The following HIVEP1 variants were observed in gnomAD, a reference collection of about 807,000 sequenced individuals.
The protein encoded by HIVEP1 is HIVEP zinc finger 1, also known as zinc finger protein 40.
HIVEP1 carries 36 observed loss-of-function variants against 180.0 expected under a neutral mutation model. The ratio of observed to expected loss-of-function variants is 0.20; its 90% CI spans 0.15 to 0.26. The LOEUF (loss-of-function observed/expected upper bound fraction) is 0.26. HIVEP1 is among the 10% of genes least tolerant of loss of function. The pLI is 1.00. For synonymous variants in HIVEP1, 1,239 were observed against 1,239.0 expected (o/e 1.00, Z 0.00); for missense variants, 3,143 against 3,268.7 (o/e 0.96, Z 0.94).
chr6:12,196,537 A>G, the HIVEP1 span, among the ~76,000 whole-genome samples: 1 of 152,198 alleles, frequency 6.6e-6, no homozygotes, highest in Admixed American at 6.5e-5. Context: ...AATATCTCCA[A>G]ATAACTACTC....
downstream of HIVEP1, among the ~76,000 whole-genome samples, chr6:12,167,632 T>C (rs1171053956): frequency 1.0e-5 from 1 of 96,680 alleles, no homozygotes; most frequent in African/African-American, 7.1e-5. Flanking sequence ...ATATACATGT[T>C]ATATATACAT....
At chr6:12,187,330 G>T in the HIVEP1 span, among the ~76,000 whole-genome samples, 2 of 152,068 alleles carry the variant, frequency 1.3e-5, no homozygotes, top group African/African-American at 4.8e-5. Flanking sequence ...GGTCATGGGG[G>T]CAAACCTCTC....
In HIVEP1 at chr6:12,072,709, C is replaced by T. The variant is rs1233251832; in HGVS notation, c.41-16475C>T. Among the ~76,000 whole-genome samples the T allele has an allele frequency of 8.5e-5, 13 of 152,182 alleles. No homozygotes were observed. The South Asian group carries it at 2.7e-3, about 31-fold the overall frequency. ...TGTTGACTTGTCTTCAAGTTCGTGA[C>T]TCCTTTCCTAACGGCAGTGCCCTGT... On this transcript the variant is annotated intron_variant, in intron 2 of 8. Coordinates refer to ENST00000379388, the MANE Select transcript of HIVEP1 (RefSeq NM_002114.4).
At chr6:12,112,493 A>G (rs1042799558) in intron 3 of HIVEP1, among the ~76,000 whole-genome samples, 2 of 151,284 alleles carry the variant, frequency 1.3e-5, no homozygotes, top group Non-Finnish European at 2.9e-5. Context: ...TGTTGTTTTC[A>G]TTATTTGGGG....
At chr6:12,211,541 T>C in the HIVEP1 span, among the ~76,000 whole-genome samples, 2 of 151,226 alleles carry the variant, frequency 1.3e-5, no homozygotes, top group Admixed American at 1.3e-4. Context: ...TACACATACA[T>C]ATATTTATAT....
chr6:12,173,096 A>ATT, the HIVEP1 span, among the ~76,000 whole-genome samples: 1 of 152,202 alleles, frequency 6.6e-6, no homozygotes, highest in African/African-American at 2.4e-5. Flanking sequence ...CTAATCAAGC[A>ATT]TAACACATGT....
At chr6:12,021,075 TAGAG>T (rs1768169940) in intron 2 of HIVEP1, among the ~76,000 whole-genome samples, 1 of 152,056 alleles carries the variant, frequency 6.6e-6, no homozygotes, top group African/African-American at 2.4e-5. Flanking sequence ...GTATTTTTAG[TAGAG>T]ACAGGTTTTC....
chr6:12,084,455 G>C (rs927273745), intron 2 of HIVEP1, among the ~76,000 whole-genome samples: 1 of 152,132 alleles, frequency 6.6e-6, no homozygotes, highest in Non-Finnish European at 1.5e-5. Context: ...TTACTTAGTA[G>C]TGAAGACTAG....
At chr6:12,058,970 C>CA (rs1771056492) in intron 2 of HIVEP1, among the ~76,000 whole-genome samples, 1 of 150,534 alleles carries the variant, frequency 6.6e-6, no homozygotes, top group Non-Finnish European at 1.5e-5. Context: ...TTTTTGGAGA[C>CA]AGAGTGTCAC....
chr6:12,129,488 C>A (rs1758288002), intron 4 of HIVEP1: 2 of 467,706 alleles, frequency 4.3e-6, no homozygotes, highest in Non-Finnish European at 7.9e-6. Context: ...TAAGAAATAC[C>A]ATGGTATAGG....
chr6:12,109,613 C>T (rs1325061641), intron 3 of HIVEP1, among the ~76,000 whole-genome samples: 2 of 152,232 alleles, frequency 1.3e-5, no homozygotes, highest in African/African-American at 2.4e-5. Flanking sequence ...AATTCAGTCA[C>T]ATCTTCAAGC....
At chr6:12,076,374 CT>C (rs1772350529) in intron 2 of HIVEP1, among the ~76,000 whole-genome samples, 1 of 151,832 alleles carries the variant, frequency 6.6e-6, no homozygotes, top group Admixed American at 6.6e-5. Context: ...GATAAAATTA[CT>C]TTGAAAACAT....
At chr6:12,075,115 G>A (rs1363618797) in intron 2 of HIVEP1, among the ~76,000 whole-genome samples, 2 of 152,208 alleles carry the variant, frequency 1.3e-5, no homozygotes, top group Non-Finnish European at 2.9e-5. Context: ...GCAGTGACTT[G>A]TGTATCCTTT....
the HIVEP1 span, among the ~76,000 whole-genome samples, chr6:12,174,148 A>C: frequency 3.3e-5 from 5 of 152,206 alleles, no homozygotes; most frequent in Non-Finnish European, 7.4e-5. Context: ...GTGCAATCAT[A>C]ATAATTATTG....
chr6:12,207,372 C>T, the HIVEP1 span, among the ~76,000 whole-genome samples: 1 of 152,246 alleles, frequency 6.6e-6, no homozygotes, highest in Admixed American at 6.5e-5. Flanking sequence ...TATGAATGTT[C>T]AATAAATATA....
At chr6:12,183,305 A>G in the HIVEP1 span, among the ~76,000 whole-genome samples, 1 of 152,222 alleles carries the variant, frequency 6.6e-6, no homozygotes, top group African/African-American at 2.4e-5. Flanking sequence ...AATTAGATAC[A>G]TGAAACACCC....
rs779610428 is a variant in HIVEP1 at position 12,124,155 on chromosome 6, A to T, written c.4360A>T (p.Thr1454Ser). The change falls in exon 4 of 9, where the codon ACT becomes TCT. Residue 1454 changes from threonine to serine, a missense_variant. Physicochemically the swap from Thr to Ser is moderately conservative, Grantham distance 58. This residue lies in a region of HIVEP1 where 1,357 missense variants were observed against 1,260.5 expected (regional missense o/e 1.08). Coordinates refer to ENST00000379388, the MANE Select transcript of HIVEP1 (RefSeq NM_002114.4). The part of the protein sequence containing the change: ...SPVHPTSFQN[T>S]ALPSVNAVPY... Reference sequence around the variant, plus strand: ...TGTACACCCAACATCTTTCCAAAATACTGCTCTTCCCAGTGTGAATGCAGT... The same window carrying T: ...TGTACACCCAACATCTTTCCAAAATTCTGCTCTTCCCAGTGTGAATGCAGT... The T allele has an allele frequency of 6.2e-7, 1 of 1,614,108 alleles. No homozygotes were observed. The highest frequency in any genetic ancestry group is 2.2e-5 in the East Asian group (1 of 44,876).
At chr6:12,042,382 CT>C (rs11317475) in intron 2 of HIVEP1, among the ~76,000 whole-genome samples, 26,682 of 133,238 alleles carry the variant, frequency 0.2, 3,195 homozygotes, top group African/African-American at 0.36. Context: ...CACCCGGCCG[CT>C]TTTTTTTTTT....
At chr6:12,146,974 C>G (rs1029345176) in intron 7 of HIVEP1, among the ~76,000 whole-genome samples, 2 of 152,098 alleles carry the variant, frequency 1.3e-5, no homozygotes, top group Non-Finnish European at 1.5e-5. Context: ...TATCCCTACA[C>G]TGCTGCATTT....
Sources: allele counts gnomAD v4.1 joint callset (sites outside exome capture counted in the v4.1 genomes callset), GRCh38; gene constraint gnomAD v4.1.1; regional missense constraint gnomAD v4.1.1; transcripts MANE v1.5; gene names NCBI Gene and HGNC (gene_info 2026-07-23, HGNC 2026-07-21).